The following KCNIP4 variants were observed in gnomAD, a reference collection of about 807,000 sequenced individuals.
The protein encoded by KCNIP4 is potassium voltage-gated channel interacting protein 4.
Under a neutral mutation model 34.0 loss-of-function variants are expected in KCNIP4, and 12 were observed. The observed-to-expected ratio is 0.35, with a 90% confidence interval of 0.23 to 0.57. The LOEUF (loss-of-function observed/expected upper bound fraction) is 0.57, where lower values mean the gene tolerates loss of function less well. KCNIP4 is among the 20% of genes least tolerant of loss of function. The pLI, the probability that KCNIP4 is intolerant of heterozygous loss-of-function variation, is 0.83. For missense variants in KCNIP4, 238 were observed against 311.7 expected (o/e 0.76, Z 1.78); for synonymous variants, 124 against 102.2 (o/e 1.21, Z -1.29).
chr4:21,535,794 ATATT>A (rs1360060913), intron 1 of KCNIP4, among the ~76,000 whole-genome samples: 2 of 152,074 alleles, frequency 1.3e-5, no homozygotes, highest in African/African-American at 4.8e-5. Flanking sequence ...ACTACATATT[ATATT>A]TATTTCCATC....
intron 1 of KCNIP4, among the ~76,000 whole-genome samples, chr4:21,113,455 T>TAAAAAAA (rs56676152): frequency 4.8e-5 from 3 of 62,384 alleles, no homozygotes; most frequent in African/African-American, 2.1e-4. Flanking sequence ...TCTATAAGTT[T>TAAAAAAA]AAAAAAAAAA....
intron 1 of KCNIP4, among the ~76,000 whole-genome samples, chr4:21,651,985 T>C (rs1312142236): frequency 1.3e-5 from 2 of 152,210 alleles, no homozygotes; most frequent in Non-Finnish European, 2.9e-5. Context: ...TAGTTGTTTA[T>C]AGTCCTCTTA....
In KCNIP4 at chr4:21,589,258, CTATA is replaced by C. The variant is rs1560540514; in HGVS notation, c.61+359309_61+359312del. On this transcript the variant is annotated intron_variant, in intron 1 of 8. Transcript: ENST00000382152. Reference sequence around the variant, plus strand: ...CAGATACATATATACATATATGTATCTATACAGATACATATATGTATAGATACAT... The same window carrying C: ...CAGATACATATATACATATATGTATCCAGATACATATATGTATAGATACAT... Among the ~76,000 whole-genome samples the C allele has an allele frequency of 1.9e-3, 214 of 110,640 alleles. 9 individuals carry two copies. In the South Asian group the frequency reaches 0.052, roughly 27 times the overall value. 72.6% of individuals were successfully genotyped at this position (110,640 alleles called of 152,430 possible). A position where few individuals can be genotyped will look rare whatever the true frequency, so the allele number is the denominator to read the frequency against.
At chr4:21,644,288 G>A (rs989731413) in intron 1 of KCNIP4, among the ~76,000 whole-genome samples, 2 of 152,040 alleles carry the variant, frequency 1.3e-5, no homozygotes, top group Non-Finnish European at 2.9e-5. Context: ...TGGAGGAAAA[G>A]GGTTGGAGAA....
At chr4:21,297,617 T>A (rs1273884364) in intron 1 of KCNIP4, among the ~76,000 whole-genome samples, 1 of 152,126 alleles carries the variant, frequency 6.6e-6, no homozygotes, top group Non-Finnish European at 1.5e-5. Context: ...GGGACTCAGT[T>A]TCCTTATCTA....
chr4:21,883,749 T>C (rs949861955), intron 1 of KCNIP4, among the ~76,000 whole-genome samples: 1 of 152,060 alleles, frequency 6.6e-6, no homozygotes, highest in African/African-American at 2.4e-5. Context: ...GTGGAGGTCT[T>C]TCCATAGTGT....
intron 2 of KCNIP4, among the ~76,000 whole-genome samples, chr4:20,864,029 C>T (rs1324135013): frequency 8.2e-6 from 1 of 122,074 alleles, no homozygotes; most frequent in African/African-American, 3.5e-5. Flanking sequence ...TGTATACATA[C>T]ATATGTATGT....
At chr4:20,761,218 G>C (rs1407617940) in intron 3 of KCNIP4, among the ~76,000 whole-genome samples, 1 of 152,160 alleles carries the variant, frequency 6.6e-6, no homozygotes, top group Non-Finnish European at 1.5e-5. Context: ...TGAGGCTCCA[G>C]CTTGCCAGAC....
intron 1 of KCNIP4, among the ~76,000 whole-genome samples, chr4:21,355,744 T>C (rs958715929): frequency 1.3e-5 from 2 of 152,170 alleles, no homozygotes; most frequent in African/African-American, 4.8e-5. Context: ...CTGGTACCAT[T>C]CTTTCTGAAA....
intron 1 of KCNIP4, among the ~76,000 whole-genome samples, chr4:21,713,766 T>A (rs1283641046): frequency 1.3e-5 from 2 of 152,174 alleles, no homozygotes; most frequent in Non-Finnish European, 2.9e-5. Flanking sequence ...TGCCCACACA[T>A]ACCCTCTCCA....
Position 21,771,013 on chromosome 4 carries a change from G to A in KCNIP4, c.61+177558C>T, listed in dbSNP as rs559473071. On this transcript the variant is annotated intron_variant, in intron 1 of 8. Transcript: ENST00000382152. ...TTTGGCATTTTTGCATGAAGTCTTT[G>A]CCCATGCCTGTGTCCCAAATGATAT... is the stretch of plus-strand genomic sequence containing the variant. Among the ~76,000 whole-genome samples, 5 of 152,184 alleles carry A rather than the reference G, an allele frequency of 3.3e-5. No homozygotes were observed. In the South Asian group the frequency reaches 1.0e-3, roughly 32 times the overall value.
intron 1 of KCNIP4, among the ~76,000 whole-genome samples, chr4:21,437,023 T>C (rs1379184488): frequency 6.6e-6 from 1 of 152,218 alleles, no homozygotes; most frequent in African/African-American, 2.4e-5. Context: ...TCAAGTGCAA[T>C]GCTTTTCCTG....
At chr4:21,061,009 T>C (rs767845254) in intron 1 of KCNIP4, among the ~76,000 whole-genome samples, 3 of 152,146 alleles carry the variant, frequency 2.0e-5, no homozygotes, top group African/African-American at 7.2e-5. Flanking sequence ...GATATGCACG[T>C]CTTTTAAATG....
chr4:21,749,259 T>C (rs1254044736), intron 1 of KCNIP4, among the ~76,000 whole-genome samples: 2 of 152,090 alleles, frequency 1.3e-5, no homozygotes, highest in African/African-American at 4.8e-5. Flanking sequence ...CAATGGAAAA[T>C]TGATGCCAAA....
chr4:21,117,279 A>G (rs976667849), intron 1 of KCNIP4, among the ~76,000 whole-genome samples: 7 of 106,830 alleles, frequency 6.6e-5, no homozygotes, highest in African/African-American at 2.3e-4. Flanking sequence ...TGGATAGAAG[A>G]TGTAGCCTGG....
chr4:21,817,273 C>G (rs1722044304), intron 1 of KCNIP4, among the ~76,000 whole-genome samples: 2 of 152,086 alleles, frequency 1.3e-5, no homozygotes. Flanking sequence ...TTATCAGTTC[C>G]CAAATAATAC....
intron 1 of KCNIP4, among the ~76,000 whole-genome samples, chr4:21,530,868 G>T (rs368650186): frequency 1.3e-5 from 2 of 152,118 alleles, no homozygotes; most frequent in East Asian, 3.9e-4. Context: ...AGGATGGCAG[G>T]ACAGATCACC....
At chr4:21,567,096 T>C (rs1409144517) in intron 1 of KCNIP4, among the ~76,000 whole-genome samples, 2 of 152,202 alleles carry the variant, frequency 1.3e-5, no homozygotes, top group African/African-American at 2.4e-5. Flanking sequence ...CCAGCATTTA[T>C]TAATTATCTC....
At chr4:21,686,882 C>A (rs377678289) in intron 1 of KCNIP4, among the ~76,000 whole-genome samples, 2 of 150,542 alleles carry the variant, frequency 1.3e-5, no homozygotes, top group Non-Finnish European at 3.0e-5. Context: ...ATGTTTATTG[C>A]GGCATTATTC....
Sources: gnomAD v4.1 joint callset for allele counts (sites outside exome capture counted in the v4.1 genomes callset) on GRCh38, gnomAD v4.1.1 for gene constraint, MANE v1.5 for transcripts, NCBI Gene and HGNC (gene_info 2026-07-23, HGNC 2026-07-21) for gene names.